The following WDR7 variants were observed in gnomAD, a reference collection of about 807,000 sequenced individuals.
WDR7 encodes the protein WD repeat-containing protein 7.
A neutral mutation model predicts 169.4 loss-of-function variants in WDR7; 46 were observed. That is an observed-to-expected ratio of 0.27 (90% CI 0.21 to 0.35). WDR7 has a LOEUF of 0.35. WDR7 is among the 10% of genes least tolerant of loss of function. WDR7 has a pLI of 1.00. For synonymous variants in WDR7, 612 were observed against 666.8 expected, an observed-to-expected ratio of 0.92 and a Z score of 1.27; for missense variants, 1,534 against 1,859.3, an observed-to-expected ratio of 0.83 and a Z score of 3.22.
intron 5 of WDR7, among the ~76,000 whole-genome samples, chr18:56,684,114 G>A (rs996721112): frequency 6.6e-6 from 1 of 152,086 alleles, no homozygotes; most frequent in Non-Finnish European, 1.5e-5. Context: ...GCAGACCTGC[G>A]ATCAGGATGT....
At chr18:56,980,525 A>G (rs961352449) in intron 26 of WDR7, among the ~76,000 whole-genome samples, 3 of 152,182 alleles carry the variant, frequency 2.0e-5, no homozygotes, top group Non-Finnish European at 4.4e-5. Flanking sequence ...AGTGCTGACT[A>G]CCTTCATGGA....
At chr18:56,755,639 G>C (rs557018655) in intron 14 of WDR7, among the ~76,000 whole-genome samples, 2 of 152,316 alleles carry the variant, frequency 1.3e-5, no homozygotes, top group South Asian at 4.1e-4. Flanking sequence ...AGCCATTGGA[G>C]ATACAGGATT....
At chr18:56,917,084 C>A (rs2046638510) in intron 21 of WDR7, among the ~76,000 whole-genome samples, 1 of 152,074 alleles carries the variant, frequency 6.6e-6, no homozygotes, top group Non-Finnish European at 1.5e-5. Context: ...GTAATCCCAG[C>A]TACTTGGGAA....
intron 20 of WDR7, among the ~76,000 whole-genome samples, chr18:56,833,575 C>A (rs951868567): frequency 8.5e-5 from 13 of 152,252 alleles, no homozygotes; most frequent in South Asian, 8.3e-4. Context: ...AAATGAATGT[C>A]TGCGTTACAA....
At chr18:56,925,953 T>C (rs1229502445) in intron 22 of WDR7, among the ~76,000 whole-genome samples, 1 of 152,234 alleles carries the variant, frequency 6.6e-6, no homozygotes, top group Non-Finnish European at 1.5e-5. Context: ...ATATATTAAA[T>C]GAGCTTATAT....
chr18:56,994,997 A>G (rs2047877473), intron 26 of WDR7, among the ~76,000 whole-genome samples: 1 of 152,218 alleles, frequency 6.6e-6, no homozygotes, highest in Admixed American at 6.5e-5. Flanking sequence ...TGCTAAAACA[A>G]TTTAGTTTTT....
intron 26 of WDR7, chr18:57,009,986 T>G (rs934071343): frequency 1.0e-6 from 1 of 985,370 alleles, no homozygotes; most frequent in Non-Finnish European, 1.2e-6. Flanking sequence ...GGACATTTAC[T>G]TAGGAATGTG....
chr18:56,691,023 C>G (rs2025555607), intron 7 of WDR7, among the ~76,000 whole-genome samples, 193 bp from the exon 8 acceptor site: 2 of 152,192 alleles, frequency 1.3e-5, no homozygotes, highest in South Asian at 4.1e-4. Flanking sequence ...TTACCCATAA[C>G]TAGGGGCCTA....
At chr18:56,709,988 T>TTATATA (rs202029110) in intron 12 of WDR7, among the ~76,000 whole-genome samples, 10 of 147,616 alleles carry the variant, frequency 6.8e-5, no homozygotes, top group African/African-American at 2.5e-4. Context: ...GAACCACAAT[T>TTATATA]TATATATATA....
rs1219787220 is a variant in WDR7, at chr18:56,968,112, C to CA, written c.4164+5595dup. On this transcript the variant is annotated intron_variant, in intron 26 of 27. Transcript: ENST00000254442. ...TTCTCATACTTTGGTGAAGGGCTACCAAAAAAAAAAAAGCAATGATGTATA... is the reference window on the plus strand; with the variant it reads ...TTCTCATACTTTGGTGAAGGGCTACCAAAAAAAAAAAAAGCAATGATGTATA... Among the ~76,000 whole-genome samples the CA allele has an allele frequency of 7.7e-3, 945 of 122,142 alleles. 3 individuals carry two copies. Among genetic ancestry groups the CA allele is most frequent in the East Asian group, 0.025 (109 of 4,376 alleles). 80.1% of individuals were successfully genotyped at this position (122,142 alleles called of 152,430 possible).
chr18:56,669,717 C>G (rs192675144), intron 1 of WDR7, among the ~76,000 whole-genome samples: 4 of 151,978 alleles, frequency 2.6e-5, no homozygotes, highest in African/African-American at 9.7e-5. Flanking sequence ...TTAAAGTTAA[C>G]AGATTATTCT....
chr18:56,679,241 G>T, intron 2 of WDR7, 91 bp from the exon 3 acceptor site: 1 of 1,022,118 alleles, frequency 9.8e-7, no homozygotes, highest in Non-Finnish European at 1.4e-6. Flanking sequence ...AGTCTACCTA[G>T]TCTTCTATTT....
rs1197074619 is a variant in WDR7, at chr18:56,715,085, G to T, written c.1579-2879G>T. ...CTGTGTATCTGTGGGGAGGGTGAAA[G>T]TTCTGACAGGGAAACTTCTCATGAG... On this transcript the variant is annotated intron_variant, in intron 12 of 27. Transcript: ENST00000254442. Among the ~76,000 whole-genome samples the T allele has an allele frequency of 3.9e-5, 6 of 152,264 alleles. No individual in the cohort carries two copies. In the Middle Eastern group the frequency reaches 0.01, roughly 259 times the overall value.
intron 1 of WDR7, among the ~76,000 whole-genome samples, chr18:56,653,565 G>A (rs760717814): frequency 8.5e-5 from 13 of 152,068 alleles, no homozygotes; most frequent in Non-Finnish European, 1.6e-4. Context: ...CAACCCATAT[G>A]CAACCATTCT....
chr18:56,919,889 A>G (rs562701869), intron 21 of WDR7, among the ~76,000 whole-genome samples: 2 of 152,306 alleles, frequency 1.3e-5, no homozygotes, highest in South Asian at 4.1e-4. Flanking sequence ...TTTTTTAAAA[A>G]TGAAATGTGA....
At chr18:56,688,121 G>A (rs903931934) in intron 7 of WDR7, among the ~76,000 whole-genome samples, 1 of 152,126 alleles carries the variant, frequency 6.6e-6, no homozygotes, top group Non-Finnish European at 1.5e-5. Context: ...CTTGACAAAG[G>A]TTATATAAAT....
chr18:56,679,644 G>T (rs2025315854), intron 3 of WDR7, among the ~76,000 whole-genome samples: 1 of 151,702 alleles, frequency 6.6e-6, no homozygotes, highest in African/African-American at 2.4e-5. Flanking sequence ...TACTTTTATT[G>T]TAATTTATGA....
At chr18:56,787,542 T>C (rs1245320039) in intron 19 of WDR7, among the ~76,000 whole-genome samples, 1 of 152,228 alleles carries the variant, frequency 6.6e-6, no homozygotes, top group Non-Finnish European at 1.5e-5. Context: ...CACAATCCTT[T>C]GTTCTTATCG....
chr18:56,686,166 G>T, intron 6 of WDR7, 134 bp downstream of exon 6: 4 of 666,738 alleles, frequency 6.0e-6, no homozygotes, highest in Non-Finnish European at 7.1e-6. Flanking sequence ...TTTCTTATAG[G>T]CATAGTATGG....
Sources: gnomAD v4.1 joint callset for allele counts (sites outside exome capture counted in the v4.1 genomes callset) on GRCh38, gnomAD v4.1.1 for gene constraint, MANE v1.5 for transcripts, NCBI Gene and HGNC (gene_info 2026-07-23, HGNC 2026-07-21) for gene names.